ATP10B: variants seen among roughly 807,000 people sequenced by gnomAD.
ATP10B encodes ATPase phospholipid transporting 10B (putative).
ATP10B carries 122 observed loss-of-function variants against 141.2 expected under a neutral mutation model. That is an observed-to-expected ratio of 0.86 (90% confidence interval 0.75 to 1.00). ATP10B has a LOEUF of 1.00. Ranked by LOEUF, ATP10B falls within the 50% of genes least tolerant of loss-of-function variation. The pLI is 0.00. For synonymous variants in ATP10B, 685 were observed against 692.0 expected (o/e 0.99, Z 0.16); for missense variants, 1,876 against 1,825.3 (o/e 1.03, Z -0.51).
chr5:160,787,739 G>GAC, intron 1 of ATP10B, among the ~76,000 whole-genome samples: 1 of 152,074 alleles, frequency 6.6e-6, no homozygotes, highest in Non-Finnish European at 1.5e-5. Flanking sequence ...AGAAGATTGG[G>GAC]ACACTCTGTG....
rs1561631313 is a variant in ATP10B, at chr5:160,589,806, G to A, written c.3646-110C>T. 5.3e-6 allele frequency: 4 copies of A among 759,622 alleles called. No homozygotes were observed. In the East Asian group the frequency reaches 7.9e-5, roughly 15 times the overall value. The allele number at this position is 759,622 out of a possible 1,614,324, so 47.1% of individuals were successfully genotyped here. The stretch of plus-strand genomic sequence containing the variant: ...AAGGCAGTTGTCAATGGAGAAGGAG[G>A]TACCCAGCTGCCATCTGTGTGGTAC... On this transcript the variant is annotated intron_variant, in intron 23 of 25. Coordinates refer to ENST00000327245, the MANE Select transcript of ATP10B (RefSeq NM_025153.3).
chr5:160,858,407 A>G, the ATP10B span, among the ~76,000 whole-genome samples: 2 of 151,922 alleles, frequency 1.3e-5, no homozygotes, highest in African/African-American at 2.4e-5. Context: ...TCATTTTAAA[A>G]TCTACTTTGT....
the ATP10B span, among the ~76,000 whole-genome samples, chr5:160,877,929 A>G: frequency 6.6e-6 from 1 of 151,216 alleles, no homozygotes; most frequent in Non-Finnish European, 1.5e-5. Flanking sequence ...GGTAGGAAGA[A>G]TCAATATCGT....
the ATP10B span, among the ~76,000 whole-genome samples, chr5:160,870,093 C>T: frequency 2.5e-4 from 38 of 152,058 alleles, no homozygotes; most frequent in African/African-American, 3.9e-4. Context: ...TACCCAACTC[C>T]GACTCCCTCC....
chr5:160,730,767 CA>C (rs1766683481), intron 2 of ATP10B, among the ~76,000 whole-genome samples: 1 of 152,138 alleles, frequency 6.6e-6, no homozygotes, highest in African/African-American at 2.4e-5. Flanking sequence ...GTCCCAGCAC[CA>C]TGTTTCCATA....
At chr5:160,739,370 T>A (rs1040613419) in intron 2 of ATP10B, among the ~76,000 whole-genome samples, 1 of 152,116 alleles carries the variant, frequency 6.6e-6, no homozygotes, top group Non-Finnish European at 1.5e-5. Context: ...TCATATAGAA[T>A]TAAAAGAGGT....
Position 160,715,160 on chromosome 5 carries a change from G to A in ATP10B, c.-205+1749C>T, listed in dbSNP as rs371140963. On this transcript the variant is annotated intron_variant, in intron 3 of 25. Coordinates refer to ENST00000327245, the MANE Select transcript of ATP10B (RefSeq NM_025153.3). Reference sequence around the variant, plus strand: ...GGCTCCACCAAGTTCGAGGTTCCCGGCTGCTTTGTTTACCTAAGCAAGCCT... The same window carrying A: ...GGCTCCACCAAGTTCGAGGTTCCCGACTGCTTTGTTTACCTAAGCAAGCCT... Among the ~76,000 whole-genome samples, 766 of 149,520 alleles carry A rather than the reference G, an allele frequency of 5.1e-3. 10 individuals carry two copies. The highest frequency in any genetic ancestry group is 0.015 in the East Asian group (78 of 5,082).
chr5:160,824,171 C>A (rs1774398174), intron 1 of ATP10B, among the ~76,000 whole-genome samples: 1 of 151,880 alleles, frequency 6.6e-6, no homozygotes, highest in South Asian at 2.1e-4. Flanking sequence ...AGCCCGCCAC[C>A]TCCCCTGGCT....
At chr5:160,632,864 T>C (rs544805203) in intron 12 of ATP10B, 4 of 152,966 alleles carry the variant, frequency 2.6e-5, no homozygotes, top group Admixed American at 6.5e-5. Context: ...AAAGAATGAA[T>C]ACTTCTCTCT....
At chr5:160,623,451 G>A (rs1412564369) in intron 13 of ATP10B, among the ~76,000 whole-genome samples, 1 of 152,114 alleles carries the variant, frequency 6.6e-6, no homozygotes, top group Non-Finnish European at 1.5e-5. Flanking sequence ...TCTGCTGAGT[G>A]TAATGCTCCA....
At chr5:160,862,295 T>A in the ATP10B span, among the ~76,000 whole-genome samples, 2 of 151,972 alleles carry the variant, frequency 1.3e-5, no homozygotes, top group African/African-American at 4.8e-5. Flanking sequence ...GGTTAAAAGG[T>A]CACAGAAGCA....
chr5:160,657,162 C>T (rs1301671031), intron 7 of ATP10B, among the ~76,000 whole-genome samples: 5 of 152,074 alleles, frequency 3.3e-5, no homozygotes, highest in African/African-American at 1.2e-4. Context: ...CTTGGAAGAA[C>T]ACTAAAGTTT....
chr5:160,750,667 C>T (rs575831856), intron 2 of ATP10B, among the ~76,000 whole-genome samples: 5 of 152,312 alleles, frequency 3.3e-5, no homozygotes, highest in Admixed American at 6.5e-5. Context: ...CACAAACCTG[C>T]TTCACATGCT....
chr5:160,817,698 C>T (rs559256181), intron 1 of ATP10B, among the ~76,000 whole-genome samples: 116 of 152,262 alleles, frequency 7.6e-4, no homozygotes, highest in Non-Finnish European at 2.1e-4. Flanking sequence ...CAAGTCAATC[C>T]TAAGCCAAAA....
chr5:160,811,321 C>A (rs891047876), intron 1 of ATP10B, among the ~76,000 whole-genome samples: 6 of 152,148 alleles, frequency 3.9e-5, no homozygotes, highest in Admixed American at 3.3e-4. Context: ...AGGACTTTAT[C>A]TTGCACCTTA....
intron 2 of ATP10B, among the ~76,000 whole-genome samples, chr5:160,728,109 T>TC (rs1766487124): frequency 6.6e-6 from 1 of 151,892 alleles, no homozygotes. Flanking sequence ...ACTTTTTTTT[T>TC]CTTTTCAAAC....
chr5:160,637,978 C>T lies in ATP10B; in HGVS notation c.1001-1669G>A, dbSNP rs544210092. 7.2e-5 allele frequency among the ~76,000 whole-genome samples: 11 copies of T among 152,246 alleles called. No homozygotes were observed. The South Asian group carries it at 1.0e-3, about 14-fold the overall frequency. ...GAATAAGACAAGTATGGGAAAAGCC[C>T]GAGAAGGCTGAATGGATGAGGAGGA... is the stretch of plus-strand genomic sequence containing the variant. On this transcript the variant is annotated intron_variant, in intron 10 of 25. Transcript: ENST00000327245.
intron 1 of ATP10B, among the ~76,000 whole-genome samples, chr5:160,815,034 A>G (rs1358785449): frequency 1.3e-5 from 2 of 152,246 alleles, no homozygotes; most frequent in Middle Eastern, 3.4e-3. Flanking sequence ...CAAAGACATG[A>G]CAAATTGTAA....
At chr5:160,839,149 A>AGAC (rs1775663182) in intron 1 of ATP10B, among the ~76,000 whole-genome samples, 1 of 152,140 alleles carries the variant, frequency 6.6e-6, no homozygotes, top group East Asian at 1.9e-4. Context: ...GTATTCCTTT[A>AGAC]TAGTAAAGCA....
Sources: gnomAD v4.1 joint callset for allele counts (sites outside exome capture counted in the v4.1 genomes callset) on GRCh38, gnomAD v4.1.1 for gene constraint, MANE v1.5 for transcripts, NCBI Gene and HGNC (gene_info 2026-07-23, HGNC 2026-07-21) for gene names.